The following FRS2 variants were observed in gnomAD, a reference collection of about 807,000 sequenced individuals.
FRS2 encodes FGFR signalling adaptor.
FRS2 carries 8 observed loss-of-function variants against 43.9 expected under a neutral mutation model. The observed-to-expected ratio is 0.18, with a 90% confidence interval of 0.11 to 0.33. The LOEUF is 0.33. FRS2 is among the 10% of genes least tolerant of loss of function. FRS2 has a pLI of 1.00. For synonymous variants in FRS2, 219 were observed against 220.3 expected, an observed-to-expected ratio of 0.99 and a Z score of 0.05; for missense variants, 534 against 627.6, an observed-to-expected ratio of 0.85 and a Z score of 1.59.
At chr12:69,490,139 A>G (rs1872336799) in intron 1 of FRS2, among the ~76,000 whole-genome samples, 1 of 152,128 alleles carries the variant, frequency 6.6e-6, no homozygotes, top group Non-Finnish European at 1.5e-5. Flanking sequence ...TATTTTCCCC[A>G]TGTCAAGAAT....
At chr12:69,519,202 G>T (rs1875376197) in intron 1 of FRS2, among the ~76,000 whole-genome samples, 1 of 152,096 alleles carries the variant, frequency 6.6e-6, no homozygotes, top group Non-Finnish European at 1.5e-5. Flanking sequence ...AAATACTGAG[G>T]TGTTTTGGTA....
intron 1 of FRS2, among the ~76,000 whole-genome samples, chr12:69,482,543 T>TA (rs2120763023): frequency 6.6e-6 from 1 of 152,342 alleles, no homozygotes; most frequent in East Asian, 1.9e-4. Context: ...ATTGGGAGCC[T>TA]ACTATATTAG....
At chr12:69,560,559 C>T (rs1252876802) in intron 3 of FRS2, among the ~76,000 whole-genome samples, 1 of 152,108 alleles carries the variant, frequency 6.6e-6, no homozygotes, top group Non-Finnish European at 1.5e-5. Context: ...AGTTCTTGAC[C>T]TTGGGAAAGC....
chr12:69,502,166 G>A (rs758419378), intron 1 of FRS2, among the ~76,000 whole-genome samples: 4 of 151,848 alleles, frequency 2.6e-5, no homozygotes, highest in Non-Finnish European at 4.4e-5. Flanking sequence ...GGGTTTTACC[G>A]TGTTGGCCAG....
intron 1 of FRS2, among the ~76,000 whole-genome samples, chr12:69,524,966 C>G (rs2135631796): frequency 1.3e-5 from 2 of 152,186 alleles, no homozygotes; most frequent in South Asian, 4.1e-4. Context: ...TGTAGGGTTC[C>G]CAGCTTCCTC....
At chr12:69,527,780 C>A (rs1030521605) in intron 1 of FRS2, among the ~76,000 whole-genome samples, 6 of 152,100 alleles carry the variant, frequency 3.9e-5, no homozygotes, top group African/African-American at 1.4e-4. Context: ...GTTGAACTTG[C>A]TAAAATTCTG....
At chr12:69,531,514 G>A (rs1431029082) in intron 2 of FRS2, among the ~76,000 whole-genome samples, 1 of 151,898 alleles carries the variant, frequency 6.6e-6, no homozygotes, top group Non-Finnish European at 1.5e-5. Flanking sequence ...TTTCTTCCTA[G>A]GATTAAAAGT....
chr12:69,563,533 C>CCTGT (rs1880036124), intron 4 of FRS2, among the ~76,000 whole-genome samples: 1 of 152,144 alleles, frequency 6.6e-6, no homozygotes, highest in South Asian at 2.1e-4. Flanking sequence ...TGCCAACATA[C>CCTGT]TTTAGTATCC....
intron 3 of FRS2, among the ~76,000 whole-genome samples, chr12:69,553,366 T>C (rs2135744167): frequency 6.6e-6 from 1 of 152,296 alleles, no homozygotes. Flanking sequence ...CCACTGCGCC[T>C]GGCCCACTTG....
intron 1 of FRS2, among the ~76,000 whole-genome samples, chr12:69,472,732 G>A (rs1429384291): frequency 1.3e-5 from 2 of 152,192 alleles, no homozygotes; most frequent in African/African-American, 4.8e-5. Flanking sequence ...ACTATGTAAG[G>A]AGCAAATAAA....
chr12:69,572,555 AT>A (rs1181395233), intron 8 of FRS2, among the ~76,000 whole-genome samples: 2 of 152,220 alleles, frequency 1.3e-5, no homozygotes, highest in Non-Finnish European at 2.9e-5. Flanking sequence ...GTCAGTTCCC[AT>A]TATAAGAATG....
At chr12:69,483,979 G>A (rs1871585423) in intron 1 of FRS2, among the ~76,000 whole-genome samples, 1 of 152,124 alleles carries the variant, frequency 6.6e-6, no homozygotes, top group Admixed American at 6.5e-5. Flanking sequence ...TGGTTTTAGA[G>A]TGCATTTCTT....
At chr12:69,516,813 A>G (rs1875101991) in intron 1 of FRS2, among the ~76,000 whole-genome samples, 2 of 152,090 alleles carry the variant, frequency 1.3e-5, no homozygotes, top group South Asian at 4.1e-4. Flanking sequence ...AAAGCAGTTG[A>G]TGTTATATAT....
At chr12:69,507,837 C>A (rs1040537313) in intron 1 of FRS2, among the ~76,000 whole-genome samples, 5 of 151,918 alleles carry the variant, frequency 3.3e-5, no homozygotes, top group Admixed American at 6.6e-5. Flanking sequence ...CCAGCCTGAC[C>A]AACATGGAGA....
intron 1 of FRS2, among the ~76,000 whole-genome samples, chr12:69,511,751 A>G (rs1163532566): frequency 6.6e-6 from 1 of 152,106 alleles, no homozygotes; most frequent in African/African-American, 2.4e-5. Flanking sequence ...AAATTCTGTA[A>G]ATCTTGTTTC....
At chr12:69,561,436 T>G (rs1328925442) in intron 3 of FRS2, among the ~76,000 whole-genome samples, 1 of 152,216 alleles carries the variant, frequency 6.6e-6, no homozygotes, top group East Asian at 1.9e-4. Flanking sequence ...ACTATTCCCA[T>G]AACCCCTAAT....
In FRS2 at chr12:69,575,051, T is replaced by TCAGTCTATAAAAGG; in HGVS notation, c.*96_*97insCAGTCTATAAAAGG. The TCAGTCTATAAAAGG allele has an allele frequency of 1.3e-6, 1 of 780,586 alleles. No homozygotes were observed. The highest frequency in any genetic ancestry group is 2.1e-6 in the Non-Finnish European group (1 of 476,586). The allele number at this position is 780,586 out of a possible 1,614,324, so 48.4% of individuals were successfully genotyped here. A position where few individuals can be genotyped will look rare whatever the true frequency, so the allele number is the denominator to read the frequency against. On this transcript the variant is annotated 3_prime_UTR_variant, in exon 9 of 9. Coordinates refer to ENST00000549921, the MANE Select transcript of FRS2 (RefSeq NM_001278356.2). ...CATTTCTAAACACTAACTCCTTTTA[T>TCAGTCTATAAAAGG]AGACTGATAAAATTTTTTTCTGAAT...
At chr12:69,550,001 G>A (rs902666568) in intron 3 of FRS2, among the ~76,000 whole-genome samples, 2 of 152,052 alleles carry the variant, frequency 1.3e-5, no homozygotes, top group Non-Finnish European at 2.9e-5. Context: ...TCATCTGTCC[G>A]TATGCTTGGA....
chr12:69,494,460 A>G (rs1872715217), intron 1 of FRS2, among the ~76,000 whole-genome samples: 1 of 152,208 alleles, frequency 6.6e-6, no homozygotes, highest in Non-Finnish European at 1.5e-5. Context: ...AATTTGCTGC[A>G]GCTCATTTAG....
Sources: gnomAD v4.1 joint callset for allele counts (sites outside exome capture counted in the v4.1 genomes callset) on GRCh38, gnomAD v4.1.1 for gene constraint, MANE v1.5 for transcripts, NCBI Gene and HGNC (gene_info 2026-07-23, HGNC 2026-07-21) for gene names.